PUM3: variants seen among roughly 807,000 people sequenced by gnomAD.
The protein encoded by PUM3 is pumilio homolog 3.
In PUM3, 91 loss-of-function variants were observed where a neutral mutation model predicts 84.0. The ratio of observed to expected loss-of-function variants is 1.08; its 90% CI spans 0.91 to 1.29. The LOEUF is 1.29. PUM3 is among the 50% of genes most tolerant of loss of function. The pLI, the probability that PUM3 is intolerant of heterozygous loss-of-function variation, is 0.00. For missense variants in PUM3, 1,067 were observed against 767.5 expected, an observed-to-expected ratio of 1.39 and a Z score of -4.61; for synonymous variants, 321 against 266.7, an observed-to-expected ratio of 1.20 and a Z score of -1.98.
intron 1 of PUM3, among the ~76,000 whole-genome samples, chr9:2,842,747 C>T (rs1210641534): frequency 6.6e-6 from 1 of 152,078 alleles, no homozygotes; most frequent in African/African-American, 2.4e-5. Context: ...TTATCTGATA[C>T]CTCTAATTAT....
At chr9:2,834,278 A>C in intron 3 of PUM3, 112 bp from the exon 4 acceptor site, 1 of 895,678 alleles carries the variant, frequency 1.1e-6, no homozygotes, top group African/African-American at 1.7e-5. Flanking sequence ...TCATTCTGGA[A>C]GCTAAAAAGG....
At chr9:2,839,821 C>A (rs754493298) in intron 1 of PUM3, among the ~76,000 whole-genome samples, 8 of 152,200 alleles carry the variant, frequency 5.3e-5, no homozygotes, top group Non-Finnish European at 1.2e-4. Context: ...CATGTTTTCT[C>A]TGTATGTTTG....
chr9:2,810,313 A>C (rs1427826293), intron 16 of PUM3, 31 bp downstream of exon 16: 1 of 1,396,596 alleles, frequency 7.2e-7, no homozygotes, highest in Non-Finnish European at 1.0e-6. Context: ...TCCACATGAG[A>C]TACAAGAAAA....
chr9:2,818,629 A>T (rs889185344), intron 13 of PUM3, among the ~76,000 whole-genome samples: 1 of 152,224 alleles, frequency 6.6e-6, no homozygotes, highest in Non-Finnish European at 1.5e-5. Context: ...AAAAACAATC[A>T]TTATTGATTG....
chr9:2,821,084 T>A (rs1041371401), intron 12 of PUM3, among the ~76,000 whole-genome samples: 2 of 152,038 alleles, frequency 1.3e-5, no homozygotes, highest in African/African-American at 4.8e-5. Context: ...TTGCTAACTG[T>A]AAAGTCAAAA....
intron 11 of PUM3, 104 bp from the exon 12 acceptor site, chr9:2,823,938 CAT>C: frequency 1.8e-6 from 1 of 562,454 alleles, no homozygotes; most frequent in Non-Finnish European, 3.1e-6. Flanking sequence ...ATTTGAGTGG[CAT>C]ATGTTTTCAT....
intron 12 of PUM3, among the ~76,000 whole-genome samples, chr9:2,820,483 A>G (rs1821566413): frequency 6.6e-6 from 1 of 152,156 alleles, no homozygotes; most frequent in Non-Finnish European, 1.5e-5. Context: ...AAACACATAT[A>G]TGATACTCCA....
rs748170215 is a variant in PUM3, at chr9:2,824,765, G to A, written c.1086C>T (p.His362=). The A allele has an allele frequency of 5.1e-6, 8 of 1,583,076 alleles. No individual in the cohort carries two copies. Among genetic ancestry groups the A allele is most frequent in the Non-Finnish European group, 6.9e-6 (8 of 1,160,696 alleles). Reference sequence around the variant, plus strand: ...AGTGCATGGCCACTCTGGCGCCATCGTGTGTGTGTGCCAGGTAGACCACCG... The same window carrying A: ...AGTGCATGGCCACTCTGGCGCCATCATGTGTGTGTGCCAGGTAGACCACCG... ...REAVVYLAHT[H]DGARVAMHCL... is the part of the protein sequence containing the mutation. Residue 362 remains histidine, a synonymous_variant, in exon 11 of 18, where the codon CAC becomes CAT. Coordinates refer to ENST00000397885, the MANE Select transcript of PUM3 (RefSeq NM_014878.5).
At chr9:2,813,165 G>C (rs1436278640) in intron 13 of PUM3, among the ~76,000 whole-genome samples, 2 of 152,112 alleles carry the variant, frequency 1.3e-5, no homozygotes, top group African/African-American at 4.8e-5. Context: ...ACATACCCAA[G>C]AACAGTAACC....
At chr9:2,804,967 A>G (rs1453902091) in intron 17 of PUM3, among the ~76,000 whole-genome samples, 1 of 152,242 alleles carries the variant, frequency 6.6e-6, no homozygotes, top group Non-Finnish European at 1.5e-5. Flanking sequence ...TGAACTCCAC[A>G]GCACTAACAT....
chr9:2,814,873 T>C (rs1020497304), intron 13 of PUM3, among the ~76,000 whole-genome samples: 11 of 152,184 alleles, frequency 7.2e-5, no homozygotes, highest in South Asian at 2.1e-4. Flanking sequence ...TCTACACTTT[T>C]AGTTAACATT....
In PUM3 at chr9:2,812,278, C is replaced by T; in HGVS notation, c.1354G>A (p.Ala452Thr). The change falls in exon 14 of 18, where the codon GCA becomes ACA. Residue 452 changes from alanine (A) to threonine (T), a missense_variant. By Grantham distance (58) the Ala-to-Thr change is moderately conservative (BLOSUM62 0). Transcript: ENST00000397885. ...LLYLLSPRDP[A>T]HTVREIIEVL... ...TCAATGATTTCTCGTACTGTATGTG[C>T]AGGATCTCTGGGGCTTAGTAAGTAC... 6.2e-7 allele frequency: 1 copy of T among 1,612,986 alleles called. No homozygotes were observed.
intron 17 of PUM3, among the ~76,000 whole-genome samples, chr9:2,807,447 AT>A (rs1821281306): frequency 6.6e-6 from 1 of 151,664 alleles, no homozygotes; most frequent in Non-Finnish European, 1.5e-5. Context: ...AAATAAAAAA[AT>A]AAAAATTAGT....
In PUM3 at chr9:2,840,891, T is replaced by G. The variant is rs551326208; in HGVS notation, c.-10-2374A>C. ...TATTTAAAAACCAAGATCTGAGTGC[T>G]AGGCGCACTTGTTGTCACTGAGGTG... On this transcript the variant is annotated intron_variant, in intron 1 of 17. Transcript: ENST00000397885. Among the ~76,000 whole-genome samples, 35 of 152,384 alleles carry G rather than the reference T, an allele frequency of 2.3e-4. 1 individual carries two copies. The South Asian group carries it at 6.8e-3, about 30-fold the overall frequency.
At chr9:2,805,999 T>C (rs1336038604) in intron 17 of PUM3, among the ~76,000 whole-genome samples, 1 of 152,254 alleles carries the variant, frequency 6.6e-6, no homozygotes, top group Non-Finnish European at 1.5e-5. Context: ...TTTTGTATTA[T>C]TGTTATATAT....
Position 2,811,573 on chromosome 9 carries a change from T to C in PUM3, c.1423A>G (p.Thr475Ala). 6.2e-7 allele frequency: 1 copy of C among 1,613,434 alleles called. No homozygotes were observed. Among genetic ancestry groups the C allele is most frequent in the African/African-American group, 1.3e-5 (1 of 75,046 alleles). Residue 475 changes from threonine (T) to alanine (A), a missense_variant, in exon 15 of 18, where the codon ACA becomes GCA. Coordinates refer to ENST00000397885, the MANE Select transcript of PUM3 (RefSeq NM_014878.5). Reference protein sequence around the residue: ...GDGNAHSKKDTEVRRRELLES... With the variant: ...GDGNAHSKKDAEVRRRELLES... Reference sequence around the variant, plus strand: ...AGGAGCTCCCGTCTGCGGACCTCTGTATCTTTCTTACTGTTGAGTATGTTG... The same window carrying C: ...AGGAGCTCCCGTCTGCGGACCTCTGCATCTTTCTTACTGTTGAGTATGTTG...
chr9:2,829,419 A>G (rs1025857274), intron 8 of PUM3, among the ~76,000 whole-genome samples: 8 of 152,222 alleles, frequency 5.3e-5, no homozygotes, highest in African/African-American at 9.6e-5. Context: ...AGAGAGCCCA[A>G]TACACTTCAG....
chr9:2,814,097 G>C (rs1295048706), intron 13 of PUM3, among the ~76,000 whole-genome samples: 1 of 152,232 alleles, frequency 6.6e-6, no homozygotes, highest in Non-Finnish European at 1.5e-5. Context: ...CAACCACTCA[G>C]GGAAAATGAA....
At chr9:2,816,134 T>A (rs1433334463) in intron 13 of PUM3, among the ~76,000 whole-genome samples, 1 of 152,228 alleles carries the variant, frequency 6.6e-6, no homozygotes, top group Admixed American at 6.5e-5. Flanking sequence ...GAGCCTGTGG[T>A]GTCCACTCTT....
Sources: gnomAD v4.1 joint callset for allele counts (sites outside exome capture counted in the v4.1 genomes callset) on GRCh38, gnomAD v4.1.1 for gene constraint, MANE v1.5 for transcripts, NCBI Gene and HGNC (gene_info 2026-07-23, HGNC 2026-07-21) for gene names.